EXT1: variants seen among roughly 807,000 people sequenced by gnomAD.
EXT1 encodes exostosin-1.
In EXT1, 20 loss-of-function variants were observed where a neutral mutation model predicts 82.5. The ratio of observed to expected loss-of-function variants is 0.24; its 90% CI spans 0.17 to 0.35. The LOEUF (loss-of-function observed/expected upper bound fraction) is 0.35, where lower values mean the gene tolerates loss of function less well. Among genes scored for constraint, EXT1 ranks in the 10% least tolerant of loss-of-function variants. EXT1 has a pLI of 1.00. For missense variants in EXT1, 757 were observed against 936.5 expected (o/e 0.81, Z 2.50); for synonymous variants, 348 against 350.8 (o/e 0.99, Z 0.09).
Position 118,110,213 on chromosome 8 carries a change from G to T in EXT1, c.834C>A (p.Asp278Glu). The change falls in exon 1 of 11, where the codon GAC becomes GAA. Residue 278 changes from aspartate (D) to glutamate (E), a missense_variant. This residue lies in a region of EXT1 where 247 missense variants were observed against 330.1 expected (regional missense o/e 0.75). Transcript: ENST00000378204. Reference sequence around the variant, plus strand: ...GGACGTGATATAAGGCATTCCTGGTGTCTGATCCTATCCCTGTCAGGTACC... The same window carrying T: ...GGACGTGATATAAGGCATTCCTGGTTTCTGATCCTATCCCTGTCAGGTACC... ...GKRYLTGIGS[D>E]TRNALYHVHN... The T allele has an allele frequency of 6.2e-7, 1 of 1,614,186 alleles. No individual in the cohort carries two copies. The highest frequency in any genetic ancestry group is 1.1e-5 in the South Asian group (1 of 91,076).
intron 1 of EXT1, among the ~76,000 whole-genome samples, chr8:117,930,158 T>C (rs1190009767): frequency 6.6e-6 from 1 of 151,322 alleles, no homozygotes; most frequent in Non-Finnish European, 1.5e-5. Flanking sequence ...AAATGGGTGA[T>C]CTTGTCATTG....
At chr8:118,098,576 G>A (rs1817660753) in intron 1 of EXT1, among the ~76,000 whole-genome samples, 1 of 152,062 alleles carries the variant, frequency 6.6e-6, no homozygotes, top group South Asian at 2.1e-4. Context: ...CTAACATGGT[G>A]AAACCCCGTC....
chr8:117,806,440 C>A (rs1183411236), intron 9 of EXT1, among the ~76,000 whole-genome samples: 1 of 152,084 alleles, frequency 6.6e-6, no homozygotes, highest in African/African-American at 2.4e-5. Flanking sequence ...CAAACCCTGC[C>A]CTCCTCCCAT....
chr8:117,992,769 C>T (rs749293392), intron 1 of EXT1, among the ~76,000 whole-genome samples: 6 of 152,192 alleles, frequency 3.9e-5, no homozygotes, highest in Non-Finnish European at 8.8e-5. Flanking sequence ...CCAGGAGGAT[C>T]GCCATAACAA....
rs766448948 is a variant in EXT1, at chr8:117,798,853, A to T, written c.*859T>A. On this transcript the variant is annotated 3_prime_UTR_variant, in exon 11 of 11. Coordinates refer to ENST00000378204, the MANE Select transcript of EXT1 (RefSeq NM_000127.3). Reference sequence around the variant, plus strand: ...CCCAGTGCTACGCAGACTTAGGTCAATGGTTGAATCTATAACCGTGCCCCC... The same window carrying T: ...CCCAGTGCTACGCAGACTTAGGTCATTGGTTGAATCTATAACCGTGCCCCC... 6.6e-6 allele frequency: 1 copy of T among 152,260 alleles called. No homozygotes were observed. The highest frequency in any genetic ancestry group is 2.4e-5 in the African/African-American group (1 of 41,466). The allele number at this position is 152,260 out of a possible 1,614,324, so 9.4% of individuals were successfully genotyped here.
intron 1 of EXT1, among the ~76,000 whole-genome samples, chr8:118,034,044 T>C (rs1339907996): frequency 6.6e-6 from 1 of 152,194 alleles, no homozygotes; most frequent in Non-Finnish European, 1.5e-5. Context: ...GAAAATTTAA[T>C]CCAGGTAAGA....
chr8:118,080,416 T>C (rs760338577), intron 1 of EXT1, among the ~76,000 whole-genome samples: 1 of 152,108 alleles, frequency 6.6e-6, no homozygotes, highest in East Asian at 1.9e-4. Context: ...ATTAAGTAAA[T>C]AACTGCCTTT....
chr8:117,794,989 G>A lies in EXT1; in HGVS notation c.*4723C>T, dbSNP rs1349717398. On this transcript the variant is annotated 3_prime_UTR_variant, in exon 11 of 11. Coordinates refer to ENST00000378204, the MANE Select transcript of EXT1 (RefSeq NM_000127.3). ...GGTCATTTGCATAGCCCTAGTTTTA[G>A]TAATAGTTACAACCGAAAGGACAGG... is the stretch of plus-strand genomic sequence containing the variant. 6.6e-6 allele frequency: 1 copy of A among 152,160 alleles called. No homozygotes were observed. The highest frequency in any genetic ancestry group is 1.5e-5 in the Non-Finnish European group (1 of 68,038). The allele number at this position is 152,160 out of a possible 1,614,324, so 9.4% of individuals were successfully genotyped here. A position where few individuals can be genotyped will look rare whatever the true frequency, so the allele number is the denominator to read the frequency against.
At chr8:118,077,983 A>C in intron 1 of EXT1, among the ~76,000 whole-genome samples, 1 of 152,288 alleles carries the variant, frequency 6.6e-6, no homozygotes, top group South Asian at 2.1e-4. Flanking sequence ...TCTTAGTAGT[A>C]ATCATATTTT....
At chr8:117,933,468 A>G (rs1351821597) in intron 1 of EXT1, among the ~76,000 whole-genome samples, 1 of 152,090 alleles carries the variant, frequency 6.6e-6, no homozygotes, top group African/African-American at 2.4e-5. Context: ...CTGTTCTCCA[A>G]ATCGTGACCT....
intron 1 of EXT1, among the ~76,000 whole-genome samples, chr8:118,001,474 C>T (rs866314334): frequency 4.6e-5 from 7 of 151,894 alleles, no homozygotes; most frequent in Admixed American, 6.6e-5. Context: ...CATGAGTCAC[C>T]GCGCCCGGCC....
intron 1 of EXT1, among the ~76,000 whole-genome samples, chr8:118,101,337 A>T (rs1342032504): frequency 6.6e-6 from 1 of 152,210 alleles, no homozygotes; most frequent in Non-Finnish European, 1.5e-5. Context: ...GTACACAAAA[A>T]GAGGCTGTGT....
chr8:117,855,146 C>T (rs550965158), intron 1 of EXT1, among the ~76,000 whole-genome samples: 39 of 152,334 alleles, frequency 2.6e-4, no homozygotes, highest in African/African-American at 8.9e-4. Context: ...ATGCTAAGCA[C>T]ATGTAAAGTT....
At chr8:118,032,084 T>C (rs1391873603) in intron 1 of EXT1, among the ~76,000 whole-genome samples, 1 of 148,240 alleles carries the variant, frequency 6.7e-6, no homozygotes, top group Non-Finnish European at 1.5e-5. Flanking sequence ...TGCCAAGTCG[T>C]TAAGGTTGGT....
intron 1 of EXT1, among the ~76,000 whole-genome samples, chr8:117,889,651 A>G (rs1371241926): frequency 6.6e-6 from 1 of 152,210 alleles, no homozygotes; most frequent in East Asian, 1.9e-4. Flanking sequence ...ATACACAGAA[A>G]AAGTGCCTCA....
At chr8:117,996,474 C>T (rs889018549) in intron 1 of EXT1, among the ~76,000 whole-genome samples, 1 of 152,202 alleles carries the variant, frequency 6.6e-6, no homozygotes, top group African/African-American at 2.4e-5. Context: ...GAAAGTTCTA[C>T]CAGACACAAC....
chr8:117,911,147 C>T (rs576331188), intron 1 of EXT1, among the ~76,000 whole-genome samples: 1 of 152,324 alleles, frequency 6.6e-6, no homozygotes, highest in Admixed American at 6.5e-5. Context: ...GTGTTTAGCC[C>T]AGTGCCTGGC....
At chr8:117,905,636 G>C (rs1240937009) in intron 1 of EXT1, among the ~76,000 whole-genome samples, 1 of 151,980 alleles carries the variant, frequency 6.6e-6, no homozygotes. Context: ...CACGGTGAAA[G>C]CCCGTCTGTA....
At chr8:117,967,961 C>G (rs1814856580) in intron 1 of EXT1, among the ~76,000 whole-genome samples, 1 of 152,200 alleles carries the variant, frequency 6.6e-6, no homozygotes, top group African/African-American at 2.4e-5. Context: ...TAGATTTTAG[C>G]TGCTCTTGCC....
Sources: allele counts gnomAD v4.1 joint callset (sites outside exome capture counted in the v4.1 genomes callset), GRCh38; gene constraint gnomAD v4.1.1; regional missense constraint gnomAD v4.1.1; transcripts MANE v1.5; gene names NCBI Gene and HGNC (gene_info 2026-07-23, HGNC 2026-07-21).